Variants in PLCG1 observed in about 807,000 individuals in gnomAD.
PLCG1 encodes the protein phospholipase C gamma 1.
Under a neutral mutation model 177.8 loss-of-function variants are expected in PLCG1, and 71 were observed. That is an observed-to-expected ratio of 0.40 (90% CI 0.33 to 0.49). The LOEUF (loss-of-function observed/expected upper bound fraction) is 0.49, where lower values mean the gene tolerates loss of function less well. Among genes scored for constraint, PLCG1 ranks in the 20% least tolerant of loss-of-function variants. The pLI is 0.72. For synonymous variants in PLCG1, 658 were observed against 647.9 expected (o/e 1.02, Z -0.24); for missense variants, 1,281 against 1,709.0 (o/e 0.75, Z 4.42).
In PLCG1 at chr20:41,165,446, C is replaced by G; in HGVS notation, c.1510-4C>G. 6.2e-7 allele frequency: 1 copy of G among 1,613,934 alleles called. No homozygotes were observed. The highest frequency in any genetic ancestry group is 8.5e-7 in the Non-Finnish European group (1 of 1,179,854). Reference sequence around the variant, plus strand: ...CTCACAAGTCCCTCTTTGGTCTGTTCCAGGAATGGTATCCCCACTACTTTG... The same window carrying G: ...CTCACAAGTCCCTCTTTGGTCTGTTGCAGGAATGGTATCCCCACTACTTTG... On this transcript the variant is annotated splice_region_variant and splice_polypyrimidine_tract_variant and intron_variant, in intron 14 of 31. Transcript: ENST00000685551. This position sits in a 1 kb window ranked among gnomAD's most constrained non-coding sequence, Gnocchi z 6.6.
At position 41,167,856 on chromosome 20, in the gene PLCG1, C is replaced by T. The variant is rs764613972; in HGVS notation, c.2306C>T (p.Pro769Leu). 5 of 1,612,342 alleles carry T rather than the reference C, an allele frequency of 3.1e-6. No homozygotes were observed. The African/African-American group carries it at 5.3e-5, about 17-fold the overall frequency. The change falls in exon 20 of 32, where the codon CCT (proline) becomes CTT (leucine). Residue 769 changes from proline to leucine, a missense_variant. By Grantham distance (98) the Pro-to-Leu change is moderately conservative. Around this residue, in one of 4 missense-constraint regions of PLCG1, gnomAD observed 723 missense variants for 1,030.0 expected, o/e 0.70. Transcript: ENST00000685551. This position sits in a 1 kb window ranked among gnomAD's most constrained non-coding sequence, Gnocchi z 4.4. ...CCCATTGTGTCCTGTTTCCAGGAGC[C>T]TGACTACGGGGCCCTGTATGAGGGA... ...EALEKIGTAE[P>L]DYGALYEGRN...
rs769218118 is a variant in PLCG1 at position 41,165,758 on chromosome 20, A to G, written c.1731A>G (p.Gly577=). 3 of 1,610,722 alleles carry G rather than the reference A, an allele frequency of 1.9e-6. No individual in the cohort carries two copies. Among genetic ancestry groups the G allele is most frequent in the Non-Finnish European group, 2.5e-6 (3 of 1,177,516 alleles). The stretch of plus-strand genomic sequence containing the variant: ...TTACTGAGTACTGCATCGAGACCGG[A>G]GCCCCTGACGGCTCCTTCCTCGTGC... ...RLLTEYCIET[G]APDGSFLVRE... Residue 577 remains glycine, a synonymous_variant, in exon 16 of 32, where the codon GGA becomes GGG. Transcript: ENST00000685551. The surrounding 1 kb of genome is among the most constrained non-coding windows in gnomAD (Gnocchi z 6.6).
intron 1 of PLCG1, among the ~76,000 whole-genome samples, chr20:41,149,970 A>AGTCATTT (rs2035116115): frequency 6.6e-6 from 1 of 151,768 alleles, no homozygotes; most frequent in Admixed American, 6.6e-5. Context: ...AAGACTGGCG[A>AGTCATTT]GTCATTTGAG....
At chr20:41,142,228 G>A (rs1193266785) in intron 1 of PLCG1, among the ~76,000 whole-genome samples, 1 of 152,228 alleles carries the variant, frequency 6.6e-6, no homozygotes, top group Non-Finnish European at 1.5e-5. Context: ...AATTACTGAG[G>A]CACCTGTCTG....
intron 1 of PLCG1, among the ~76,000 whole-genome samples, chr20:41,145,564 C>T (rs185774572): frequency 3.9e-5 from 6 of 152,288 alleles, no homozygotes; most frequent in Admixed American, 3.9e-4. Context: ...CCTCCTGCTG[C>T]CCAGAGTTTG....
rs1285811350 is a variant in PLCG1, at chr20:41,156,773, T to G, written c.218-2833T>G. Among the ~76,000 whole-genome samples the G allele has an allele frequency of 6.6e-6, 1 of 152,230 alleles. No individual in the cohort carries two copies. Among genetic ancestry groups the G allele is most frequent in the Non-Finnish European group, 1.5e-5 (1 of 68,028 alleles). On this transcript the variant is annotated intron_variant, in intron 1 of 31. Transcript: ENST00000685551. The surrounding 1 kb of genome is among the most constrained non-coding windows in gnomAD (Gnocchi z 5.0). ...AGGTCTCTTTTCCTGCCCTCCTGAC[T>G]AATGGCAGAGAGGTCTGACCCAGAC...
rs754990714 is a variant in PLCG1 at position 41,159,734 on chromosome 20, C to T, written c.346C>T (p.Arg116Cys). Residue 116 changes from arginine to cysteine, a missense_variant, in exon 2 of 32, where the codon CGC becomes TGC. This residue lies in a region of PLCG1 where 374 missense variants were observed against 443.8 expected (regional missense o/e 0.84). Coordinates refer to ENST00000685551, the MANE Select transcript of PLCG1 (RefSeq NM_002660.3). The surrounding 1 kb of genome is among the most constrained non-coding windows in gnomAD (Gnocchi z 6.0). Reference protein sequence around the residue: ...CFVILYGMEFRLKTLSLQATS... With the variant: ...CFVILYGMEFCLKTLSLQATS... ...TGTCATTCTCTATGGAATGGAATTT[C>T]GCCTGAAAACGCTGAGCCTGCAAGG... The T allele has an allele frequency of 5.6e-6, 9 of 1,614,034 alleles. No individual in the cohort carries two copies. Among genetic ancestry groups the T allele is most frequent in the South Asian group, 1.1e-5 (1 of 91,074 alleles).
In PLCG1 at chr20:41,146,550, C is replaced by T. The variant is rs966006069; in HGVS notation, c.217+8692C>T. Among the ~76,000 whole-genome samples, 6 of 152,186 alleles carry T rather than the reference C, an allele frequency of 3.9e-5. No homozygotes were observed. The highest frequency in any genetic ancestry group is 8.8e-5 in the Non-Finnish European group (6 of 68,038). On this transcript the variant is annotated intron_variant, in intron 1 of 31. Coordinates refer to ENST00000685551, the MANE Select transcript of PLCG1 (RefSeq NM_002660.3). The surrounding 1 kb of genome is among the most constrained non-coding windows in gnomAD (Gnocchi z 6.3). Reference sequence around the variant, plus strand: ...CTGGGCCCTGACAGTGAACAGCTGGCCAAACTGGTGAGGAGTTGGGCCATG... The same window carrying T: ...CTGGGCCCTGACAGTGAACAGCTGGTCAAACTGGTGAGGAGTTGGGCCATG...
rs747949876 is a variant in PLCG1 at position 41,166,899 on chromosome 20, A to C, written c.2301+40A>C. On this transcript the variant is annotated intron_variant, in intron 19 of 31. Transcript: ENST00000685551. The surrounding 1 kb of genome is among the most constrained non-coding windows in gnomAD (Gnocchi z 8.6). The stretch of plus-strand genomic sequence containing the variant: ...GTAGACGGGGCATGGCAGGGGAGGC[A>C]GGAGAGACCCAGAATCTTACCAGTC... The C allele has an allele frequency of 6.4e-7, 1 of 1,573,486 alleles. No homozygotes were observed. Among genetic ancestry groups the C allele is most frequent in the Admixed American group, 1.7e-5 (1 of 59,896 alleles).
chr20:41,145,310 G>A (rs538215468), intron 1 of PLCG1, among the ~76,000 whole-genome samples: 9 of 152,180 alleles, frequency 5.9e-5, no homozygotes, highest in Non-Finnish European at 1.2e-4. Flanking sequence ...GGAGTATGGA[G>A]GTTTAGAAGG....
chr20:41,161,174 T>G (rs900372056), intron 4 of PLCG1, among the ~76,000 whole-genome samples: 1 of 151,564 alleles, frequency 6.6e-6, no homozygotes, highest in Non-Finnish European at 1.5e-5. Context: ...ATTGGAGGGG[T>G]CAGGGACAAC....
Position 41,164,020 on chromosome 20 carries a change from A to G in PLCG1, c.1096+14A>G. ...GCTGCATTGAGTGTGCGTGGGGTCC[A>G]GGGCTGGGGGAGGGAAGATGGGAGG... is the stretch of plus-strand genomic sequence containing the variant. On this transcript the variant is annotated intron_variant, in intron 11 of 31. Coordinates refer to ENST00000685551, the MANE Select transcript of PLCG1 (RefSeq NM_002660.3). The surrounding 1 kb of genome is among the most constrained non-coding windows in gnomAD (Gnocchi z 6.4). 1 of 1,614,128 alleles carries G rather than the reference A, an allele frequency of 6.2e-7. No homozygotes were observed. Among genetic ancestry groups the G allele is most frequent in the Non-Finnish European group, 8.5e-7 (1 of 1,180,004 alleles).
chr20:41,152,318 C>T (rs35438177), intron 1 of PLCG1, among the ~76,000 whole-genome samples: 4,824 of 152,340 alleles, frequency 0.032, 112 homozygotes, highest in Non-Finnish European at 0.053. Context: ...TACTGTTTTT[C>T]CCAAAGCTCT....
At position 41,170,067 on chromosome 20, in the gene PLCG1, G is replaced by A. The variant is rs199817144; in HGVS notation, c.2651-45G>A. 3 of 1,551,968 alleles carry A rather than the reference G, an allele frequency of 1.9e-6. No homozygotes were observed. The East Asian group carries it at 6.8e-5, about 35-fold the overall frequency. Reference sequence around the variant, plus strand: ...CTGCGGTGTGGAGTGGGGTGGAGGGGGTGAGATGTCTATTCCCAGCTGTTA... The same window carrying A: ...CTGCGGTGTGGAGTGGGGTGGAGGGAGTGAGATGTCTATTCCCAGCTGTTA... On this transcript the variant is annotated intron_variant, in intron 23 of 31. Coordinates refer to ENST00000685551, the MANE Select transcript of PLCG1 (RefSeq NM_002660.3).
At chr20:41,141,945 C>T (rs1197023127) in intron 1 of PLCG1, among the ~76,000 whole-genome samples, 2 of 152,226 alleles carry the variant, frequency 1.3e-5, no homozygotes, top group Admixed American at 6.5e-5. Context: ...ACCAGCTTTG[C>T]TCTGGGTAGC....
Position 41,150,204 on chromosome 20 carries a change from C to T in PLCG1, c.218-9402C>T, listed in dbSNP as rs921027331. ...CTTATGGGCCAGGCATGGTGGCTCA[C>T]ACCTGTAATCCCAGCACTTTGGGAG... On this transcript the variant is annotated intron_variant, in intron 1 of 31. Transcript: ENST00000685551. The surrounding 1 kb of genome is among the most constrained non-coding windows in gnomAD (Gnocchi z 4.0). Among the ~76,000 whole-genome samples the T allele has an allele frequency of 1.3e-5, 2 of 151,960 alleles. No individual in the cohort carries two copies. Among genetic ancestry groups the T allele is most frequent in the Non-Finnish European group, 2.9e-5 (2 of 67,978 alleles).
In PLCG1 at chr20:41,159,509, A is replaced by G. The variant is rs772536317; in HGVS notation, c.218-97A>G. 1.0e-4 allele frequency: 130 copies of G among 1,278,416 alleles called. No individual in the cohort carries two copies. In the Middle Eastern group the frequency reaches 1.6e-3, roughly 16 times the overall value. 79.2% of individuals were successfully genotyped at this position (1,278,416 alleles called of 1,614,324 possible). A position where few individuals can be genotyped will look rare whatever the true frequency, so the allele number is the denominator to read the frequency against. ...GCTCTGCCTCTGGGGTTCCTCCCTG[A>G]GAGAGAGTGTAAGAATGAGGAAACC... On this transcript the variant is annotated intron_variant, in intron 1 of 31. Coordinates refer to ENST00000685551, the MANE Select transcript of PLCG1 (RefSeq NM_002660.3). This position sits in a 1 kb window ranked among gnomAD's most constrained non-coding sequence, Gnocchi z 6.0.
At chr20:41,152,953 T>C (rs1191510617) in intron 1 of PLCG1, among the ~76,000 whole-genome samples, 1 of 152,192 alleles carries the variant, frequency 6.6e-6, no homozygotes, top group Non-Finnish European at 1.5e-5. Context: ...GTTGTGTTAA[T>C]TGGACTTGGA....
Position 41,174,397 on chromosome 20 carries a change from T to C in PLCG1, c.3834-70T>C. ...TGTTTCTTTCTCCTGGGTAGAAAAG[T>C]TGTAATATTGTCTGGCATTGGGCTG... On this transcript the variant is annotated intron_variant, in intron 31 of 31. Transcript: ENST00000685551. The surrounding 1 kb of genome is among the most constrained non-coding windows in gnomAD (Gnocchi z 5.8). The C allele has an allele frequency of 6.2e-7, 1 of 1,600,678 alleles. No individual in the cohort carries two copies.
Sources: gnomAD v4.1 joint callset for allele counts (sites outside exome capture counted in the v4.1 genomes callset) on GRCh38, gnomAD v4.1.1 for gene constraint, gnomAD v4.1.1 regional missense constraint, Gnocchi (gnomAD v3.1) non-coding constraint, MANE v1.5 for transcripts, NCBI Gene and HGNC (gene_info 2026-07-23, HGNC 2026-07-21) for gene names.